Variants in ABLIM3 observed in about 807,000 individuals in gnomAD.
ABLIM3 encodes the protein actin-binding LIM protein 3.
Under a neutral mutation model 109.5 loss-of-function variants are expected in ABLIM3, and 61 were observed. That is an observed-to-expected ratio of 0.56 (90% CI 0.45 to 0.69). The LOEUF is 0.69. ABLIM3 is among the 30% of genes least tolerant of loss of function. The pLI, the probability that ABLIM3 is intolerant of heterozygous loss-of-function variation, is 0.00. For missense variants in ABLIM3, 796 were observed against 889.5 expected, an observed-to-expected ratio of 0.89 and a Z score of 1.34; for synonymous variants, 300 against 324.8, an observed-to-expected ratio of 0.92 and a Z score of 0.82.
At chr5:149,203,206 A>AC (rs547079808) in intron 5 of ABLIM3, among the ~76,000 whole-genome samples, 169 of 151,610 alleles carry the variant, frequency 1.1e-3, no homozygotes, top group African/African-American at 3.9e-3. Context: ...CACCATCACT[A>AC]CCATCATCAT....
chr5:149,168,969 G>A (rs752239563), intron 2 of ABLIM3, among the ~76,000 whole-genome samples: 10 of 149,598 alleles, frequency 6.7e-5, no homozygotes, highest in South Asian at 2.1e-4. Flanking sequence ...TAACAATCCC[G>A]CTCCCCACCC....
chr5:149,195,933 G>A lies in ABLIM3; in HGVS notation c.152-2286G>A, dbSNP rs114963733. Among the ~76,000 whole-genome samples, 774 of 152,360 alleles carry A rather than the reference G, an allele frequency of 5.1e-3. 14 individuals are homozygous for A. The highest frequency in any genetic ancestry group is 0.018 in the African/African-American group (740 of 41,586). On this transcript the variant is annotated intron_variant, in intron 3 of 23. Coordinates refer to ENST00000309868, the MANE Select transcript of ABLIM3 (RefSeq NM_014945.5). Reference sequence around the variant, plus strand: ...TGAGTTTAAAATGTTTAGGCGTATAGTAAGCGCTAAAGGAAGCTTTTCTTC... The same window carrying A: ...TGAGTTTAAAATGTTTAGGCGTATAATAAGCGCTAAAGGAAGCTTTTCTTC...
intron 2 of ABLIM3, among the ~76,000 whole-genome samples, chr5:149,163,353 C>G (rs1393370441): frequency 1.3e-5 from 2 of 152,206 alleles, no homozygotes; most frequent in Non-Finnish European, 2.9e-5. Context: ...GATTCCCTGA[C>G]AGCTTTTATA....
intron 22 of ABLIM3, 147 bp downstream of exon 22, chr5:149,252,355 G>A: frequency 1.2e-6 from 1 of 829,662 alleles, no homozygotes; most frequent in Non-Finnish European, 1.8e-6. Flanking sequence ...AACATTTCCT[G>A]TCCCTTCTTG....
chr5:149,239,303 T>C (rs201435445), intron 12 of ABLIM3, 26 bp downstream of exon 12: 2 of 1,611,744 alleles, frequency 1.2e-6, no homozygotes, highest in African/African-American at 1.3e-5. Context: ...GAGAATTAAG[T>C]TGATATATAA....
At chr5:149,144,226 G>A (rs1383569774) in intron 2 of ABLIM3, among the ~76,000 whole-genome samples, 2 of 152,208 alleles carry the variant, frequency 1.3e-5, no homozygotes, top group Non-Finnish European at 2.9e-5. Flanking sequence ...AGCAGCCTTG[G>A]AAGCCCTCCG....
chr5:149,236,617 C>T (rs865977028), intron 10 of ABLIM3, among the ~76,000 whole-genome samples: 1 of 152,014 alleles, frequency 6.6e-6, no homozygotes, highest in Middle Eastern at 3.4e-3. Flanking sequence ...ATGAACTCTG[C>T]CAAAGTCAAG....
chr5:149,213,617 T>TTAC (rs746406669), intron 7 of ABLIM3, among the ~76,000 whole-genome samples: 4 of 152,154 alleles, frequency 2.6e-5, no homozygotes, highest in Admixed American at 6.5e-5. Flanking sequence ...AGAACTTAGA[T>TTAC]TACAGACAGG....
intron 3 of ABLIM3, among the ~76,000 whole-genome samples, chr5:149,185,730 C>G (rs1756890837): frequency 2.6e-5 from 4 of 152,056 alleles, no homozygotes; most frequent in Non-Finnish European, 5.9e-5. Context: ...AATTAAGTAC[C>G]CTATTAGATA....
At chr5:149,187,345 G>T (rs1757052013) in intron 3 of ABLIM3, among the ~76,000 whole-genome samples, 1 of 152,156 alleles carries the variant, frequency 6.6e-6, no homozygotes, top group African/African-American at 2.4e-5. Context: ...AGGGAGAAAA[G>T]ACAAATCATC....
At chr5:149,153,244 A>G (rs1753593125) in intron 2 of ABLIM3, among the ~76,000 whole-genome samples, 4 of 152,216 alleles carry the variant, frequency 2.6e-5, no homozygotes, top group Admixed American at 2.6e-4. Context: ...TGGTTGATCT[A>G]TAGAACCTCT....
At chr5:149,240,534 G>A (rs928487939) in intron 13 of ABLIM3, 142 bp from the exon 14 acceptor site, 42 of 674,670 alleles carry the variant, frequency 6.2e-5, no homozygotes, top group Middle Eastern at 5.5e-4. Flanking sequence ...CTTCCGCCCC[G>A]GAACCTGAGC....
chr5:149,209,811 G>A lies in ABLIM3; in HGVS notation c.576-915G>A, dbSNP rs1759365046. ...CAGTCACACCTCCAGACCTTGGTCG[G>A]ACATCTTCAGACCTTGGTCCTCACT... On this transcript the variant is annotated intron_variant, in intron 6 of 23. Coordinates refer to ENST00000309868, the MANE Select transcript of ABLIM3 (RefSeq NM_014945.5). Among the ~76,000 whole-genome samples the A allele has an allele frequency of 1.3e-5, 2 of 152,190 alleles. 1 individual carries two copies. Among genetic ancestry groups the A allele is most frequent in the South Asian group, 4.1e-4 (2 of 4,832 alleles).
At chr5:149,185,159 GT>G (rs1357209943) in intron 3 of ABLIM3, among the ~76,000 whole-genome samples, 1 of 152,092 alleles carries the variant, frequency 6.6e-6, no homozygotes, top group Non-Finnish European at 1.5e-5. Context: ...TAAACCAATC[GT>G]TTATTTAGTT....
intron 2 of ABLIM3, among the ~76,000 whole-genome samples, chr5:149,155,780 G>C (rs1580999233): frequency 6.6e-6 from 1 of 152,222 alleles, no homozygotes; most frequent in Non-Finnish European, 1.5e-5. Context: ...GTATACGCTA[G>C]AGAATATGAG....
At chr5:149,194,036 A>G (rs1757735870) in intron 3 of ABLIM3, among the ~76,000 whole-genome samples, 2 of 152,228 alleles carry the variant, frequency 1.3e-5, no homozygotes, top group African/African-American at 2.4e-5. Context: ...TTTCTGAAAC[A>G]TGACACAGAA....
chr5:149,229,482 A>G (rs567678752), intron 8 of ABLIM3, among the ~76,000 whole-genome samples: 38 of 152,320 alleles, frequency 2.5e-4, no homozygotes, highest in African/African-American at 8.9e-4. Context: ...GAGACAAAAA[A>G]CACAGGCCTC....
chr5:149,192,773 C>T (rs1757614021), intron 3 of ABLIM3, among the ~76,000 whole-genome samples: 1 of 151,446 alleles, frequency 6.6e-6, no homozygotes, highest in Non-Finnish European at 1.5e-5. Context: ...CTCACCAACA[C>T]CACCCCCCAA....
At chr5:149,252,489 T>A (rs992724689) in intron 22 of ABLIM3, 57 of 546,662 alleles carry the variant, frequency 1.0e-4, no homozygotes, top group Non-Finnish European at 1.6e-4. Context: ...ATTCGGGAGG[T>A]CATGTGCCCA....
Sources: allele counts gnomAD v4.1 joint callset (sites outside exome capture counted in the v4.1 genomes callset), GRCh38; gene constraint gnomAD v4.1.1; transcripts MANE v1.5; gene names NCBI Gene and HGNC (gene_info 2026-07-23, HGNC 2026-07-21).